The following CNTN4 variants were observed in gnomAD, a reference collection of about 807,000 sequenced individuals.
CNTN4 encodes contactin 4.
A neutral mutation model predicts 122.5 loss-of-function variants in CNTN4; 77 were observed. The ratio of observed to expected loss-of-function variants is 0.63; its 90% CI spans 0.52 to 0.76. The LOEUF (loss-of-function observed/expected upper bound fraction) is 0.76. CNTN4 is among the 30% of genes least tolerant of loss of function. The pLI, the probability that CNTN4 is intolerant of heterozygous loss-of-function variation, is 0.00. For synonymous variants in CNTN4, 512 were observed against 447.0 expected, an observed-to-expected ratio of 1.15 and a Z score of -1.83; for missense variants, 1,256 against 1,259.1, an observed-to-expected ratio of 1.00 and a Z score of 0.04.
intron 3 of CNTN4, among the ~76,000 whole-genome samples, chr3:2,368,220 G>C (rs953638270): frequency 2.0e-5 from 3 of 151,204 alleles, no homozygotes; most frequent in Admixed American, 2.0e-4. Context: ...TTTTAATAGA[G>C]ACGGGGTTTC....
At chr3:2,452,049 G>A (rs2048848494) in intron 3 of CNTN4, among the ~76,000 whole-genome samples, 2 of 152,016 alleles carry the variant, frequency 1.3e-5, no homozygotes, top group African/African-American at 4.8e-5. Context: ...CTGCAAATCA[G>A]GTACATGCCT....
At chr3:2,985,685 C>CAGGTACAA (rs1694494993) in intron 13 of CNTN4, 1 of 152,204 alleles carries the variant, frequency 6.6e-6, no homozygotes, top group African/African-American at 2.4e-5. Flanking sequence ...GCACCGCCAG[C>CAGGTACAA]AGGTACAAAC....
chr3:2,645,406 C>T (rs2083074769), intron 4 of CNTN4, among the ~76,000 whole-genome samples: 1 of 152,122 alleles, frequency 6.6e-6, no homozygotes. Context: ...TTTTGCTGGG[C>T]TACAGGTGGT....
intron 6 of CNTN4, 47 bp downstream of exon 6, chr3:2,745,744 T>G (rs2089716027): frequency 6.6e-7 from 1 of 1,525,840 alleles, no homozygotes; most frequent in African/African-American, 1.4e-5. Flanking sequence ...TCAGTTTGTG[T>G]ACCATTATAC....
intron 14 of CNTN4, among the ~76,000 whole-genome samples, chr3:3,013,536 C>T (rs1214757308): frequency 6.6e-6 from 1 of 152,038 alleles, no homozygotes; most frequent in Non-Finnish European, 1.5e-5. Flanking sequence ...GGGAAAATAG[C>T]AGGGTATCCT....
At position 2,578,881 on chromosome 3, in the gene CNTN4, GA is replaced by G. The variant is rs1180462827; in HGVS notation, c.55+7331del. 5.3e-5 allele frequency among the ~76,000 whole-genome samples: 8 copies of G among 151,332 alleles called. No homozygotes were observed. In the South Asian group the frequency reaches 1.7e-3, roughly 32 times the overall value. ...CAGTGACTCCATTGATGAAAGTTAA[GA>G]AAAAAAATAGGGGAAGTATACTTAG... On this transcript the variant is annotated intron_variant, in intron 4 of 24. Coordinates refer to ENST00000418658, the MANE Select transcript of CNTN4 (RefSeq NM_175607.3).
chr3:2,429,181 T>G (rs1382108766), intron 3 of CNTN4, among the ~76,000 whole-genome samples: 3 of 152,350 alleles, frequency 2.0e-5, no homozygotes, highest in East Asian at 3.9e-4. Context: ...TTTTCAGGTT[T>G]TCTGCTCTGC....
intron 14 of CNTN4, among the ~76,000 whole-genome samples, chr3:2,994,721 A>G (rs1276082577): frequency 3.3e-5 from 5 of 152,024 alleles, no homozygotes; most frequent in African/African-American, 9.7e-5. Flanking sequence ...GGAAATATCA[A>G]CCTTTCCATG....
chr3:2,537,637 A>G (rs1245802187), intron 3 of CNTN4, among the ~76,000 whole-genome samples: 1 of 152,092 alleles, frequency 6.6e-6, no homozygotes, highest in Non-Finnish European at 1.5e-5. Context: ...GACCCAGGAT[A>G]TCAGATTCAT....
In CNTN4 at chr3:2,768,975, T is replaced by A. The variant is rs1026214427; in HGVS notation, c.358+23278T>A. On this transcript the variant is annotated intron_variant, in intron 6 of 24. Coordinates refer to ENST00000418658, the MANE Select transcript of CNTN4 (RefSeq NM_175607.3). ...AGACTTTTGACTTCAAGTCTTGAAGTCTTTTCATTGTACCATATCTTCATT... is the reference window on the plus strand; with the variant it reads ...AGACTTTTGACTTCAAGTCTTGAAGACTTTTCATTGTACCATATCTTCATT... Among the ~76,000 whole-genome samples, 23 of 152,178 alleles carry A rather than the reference T, an allele frequency of 1.5e-4. 1 individual carries two copies. Among genetic ancestry groups the A allele is most frequent in the Non-Finnish European group, 2.9e-5 (2 of 68,032 alleles).
intron 13 of CNTN4, among the ~76,000 whole-genome samples, chr3:2,926,494 C>T (rs2094474831): frequency 6.6e-6 from 1 of 152,108 alleles, no homozygotes; most frequent in Admixed American, 6.6e-5. Flanking sequence ...TGTAAAATAT[C>T]CCCTACCTTT....
chr3:2,101,539 C>G (rs796695112), intron 2 of CNTN4, among the ~76,000 whole-genome samples: 2 of 148,958 alleles, frequency 1.3e-5, no homozygotes, highest in South Asian at 4.2e-4. Flanking sequence ...AGGGGGAAGT[C>G]TCTACACACT....
chr3:2,779,248 TG>T (rs374380959), intron 6 of CNTN4, among the ~76,000 whole-genome samples: 40,315 of 133,498 alleles, frequency 0.3, 5,895 homozygotes, highest in African/African-American at 0.47. Context: ...TTGTTTGTTT[TG>T]TTTGTTTGTT....
intron 2 of CNTN4, among the ~76,000 whole-genome samples, chr3:2,186,097 C>G (rs1404212068): frequency 8.1e-6 from 1 of 123,126 alleles, no homozygotes; most frequent in Non-Finnish European, 1.7e-5. Flanking sequence ...CACCCCACAA[C>G]AGGCCCCAGT....
intron 3 of CNTN4, among the ~76,000 whole-genome samples, chr3:2,413,646 T>A (rs1177834705): frequency 6.6e-6 from 1 of 151,842 alleles, no homozygotes; most frequent in East Asian, 1.9e-4. Flanking sequence ...CAGGTTCAAG[T>A]GATTCTCCTG....
In CNTN4 at chr3:2,477,074, G is replaced by T. The variant is rs555472739; in HGVS notation, c.-88-94342G>T. 5.3e-5 allele frequency among the ~76,000 whole-genome samples: 8 copies of T among 152,272 alleles called. No homozygotes were observed. The East Asian group carries it at 1.5e-3, about 29-fold the overall frequency. ...ATTGTTTTGACAGCCTAAAAAGCTG[G>T]TTGAAGCCCATAAGATGAAATTGAA... is the stretch of plus-strand genomic sequence containing the variant. On this transcript the variant is annotated intron_variant, in intron 3 of 24. Coordinates refer to ENST00000418658, the MANE Select transcript of CNTN4 (RefSeq NM_175607.3).
intron 4 of CNTN4, among the ~76,000 whole-genome samples, chr3:2,659,331 A>G (rs111561132): frequency 0.083 from 12,604 of 151,638 alleles, 556 homozygotes; most frequent in Admixed American, 0.14. Context: ...GTGTAATGGT[A>G]CATGTCTGTA....
intron 13 of CNTN4, among the ~76,000 whole-genome samples, chr3:2,981,854 G>A (rs563388994): frequency 2.0e-4 from 30 of 152,204 alleles, no homozygotes; most frequent in Non-Finnish European, 3.4e-4. Context: ...AGACCAGCCT[G>A]GCCTACATGG....
intron 3 of CNTN4, among the ~76,000 whole-genome samples, chr3:2,500,933 T>A (rs67775967): frequency 6.6e-6 from 1 of 152,038 alleles, no homozygotes; most frequent in African/African-American, 2.4e-5. Context: ...AGTCCTCTTT[T>A]TTCCCCCCCG....
Sources: allele counts gnomAD v4.1 joint callset (sites outside exome capture counted in the v4.1 genomes callset), GRCh38; gene constraint gnomAD v4.1.1; transcripts MANE v1.5; gene names NCBI Gene and HGNC (gene_info 2026-07-23, HGNC 2026-07-21).